The following DIP2C variants were observed in gnomAD, a reference collection of about 807,000 sequenced individuals.
DIP2C encodes disco-interacting protein 2 homolog C.
A neutral mutation model predicts 192.4 loss-of-function variants in DIP2C; 33 were observed. The ratio of observed to expected loss-of-function variants is 0.17; its 90% confidence interval spans 0.13 to 0.23. The LOEUF is 0.23. Ranked by LOEUF, DIP2C falls within the 10% of genes least tolerant of loss-of-function variation. The pLI, the probability that DIP2C is intolerant of heterozygous loss-of-function variation, is 1.00. For missense variants in DIP2C, 1,537 were observed against 2,110.1 expected (o/e 0.73, Z 5.32); for synonymous variants, 979 against 864.1 (o/e 1.13, Z -2.33).
chr10:657,682 A>C (rs1339057182), intron 1 of DIP2C, among the ~76,000 whole-genome samples: 73 of 44,944 alleles, frequency 1.6e-3, no homozygotes, highest in Admixed American at 2.7e-3. Context: ...GCTGGACCTG[A>C]TGCTGGACCT....
intron 1 of DIP2C, among the ~76,000 whole-genome samples, chr10:583,089 CAG>C (rs1850768558): frequency 6.6e-6 from 1 of 152,194 alleles, no homozygotes; most frequent in African/African-American, 2.4e-5. Context: ...TTGCAAGAAT[CAG>C]TGACTACTTT....
chr10:501,099 G>T (rs971971645), intron 1 of DIP2C, among the ~76,000 whole-genome samples: 5 of 152,188 alleles, frequency 3.3e-5, no homozygotes, highest in African/African-American at 1.2e-4. Flanking sequence ...CAACCCTCCA[G>T]GAAACACTGA....
chr10:525,688 C>T (rs923277311), intron 1 of DIP2C, among the ~76,000 whole-genome samples: 3 of 152,132 alleles, frequency 2.0e-5, no homozygotes, highest in African/African-American at 7.2e-5. Flanking sequence ...TTGAATGCTT[C>T]GTAGGTGGAG....
chr10:578,872 C>T (rs996977189), intron 1 of DIP2C, among the ~76,000 whole-genome samples: 2 of 152,016 alleles, frequency 1.3e-5, no homozygotes, highest in East Asian at 3.9e-4. Context: ...CACTAACACA[C>T]ATGTACGTGC....
At chr10:398,526 C>T (rs1964166205) in intron 10 of DIP2C, among the ~76,000 whole-genome samples, 1 of 152,222 alleles carries the variant, frequency 6.6e-6, no homozygotes, top group Admixed American at 6.5e-5. Flanking sequence ...GCAGCCGGAC[C>T]ACCCTGGGCA....
Position 650,738 on chromosome 10 carries a change from T to C in DIP2C, c.85+38756A>G, listed in dbSNP as rs372488998. 744 of 640,250 alleles carry C rather than the reference T, an allele frequency of 1.2e-3. 9 individuals are homozygous for C. Among genetic ancestry groups the C allele is most frequent in the South Asian group, 5.3e-3 (289 of 54,468 alleles). 39.7% of individuals were successfully genotyped at this position (640,250 alleles called of 1,614,324 possible). A position where few individuals can be genotyped will look rare whatever the true frequency, so the allele number is the denominator to read the frequency against. On this transcript the variant is annotated intron_variant, in intron 1 of 36. Transcript: ENST00000280886. ...AGTGCTCTGGGCCGACCCCCCCTCATGCTCACTTCCCTGCATAAGTTTAAG... is the reference window on the plus strand; with the variant it reads ...AGTGCTCTGGGCCGACCCCCCCTCACGCTCACTTCCCTGCATAAGTTTAAG...
rs771403845 is a variant in DIP2C at position 413,944 on chromosome 10, G to A, written c.1026C>T (p.Thr342=). 4 of 1,614,068 alleles carry A rather than the reference G, an allele frequency of 2.5e-6. No individual in the cohort carries two copies. The highest frequency in any genetic ancestry group is 3.4e-6 in the Non-Finnish European group (4 of 1,180,030). Reference sequence around the variant, plus strand: ...TGAGGATGTAGAGGGGCTTCCCGTTGGTGTCCATGGTGGTCAGGCAGGGCG... The same window carrying A: ...TGAGGATGTAGAGGGGCTTCCCGTTAGTGTCCATGGTGGTCAGGCAGGGCG... ...PKAPCLTTMD[T]NGKPLYILTY... The change falls in exon 8 of 37, where the codon ACC becomes ACT. Residue 342 remains threonine, a synonymous_variant. Transcript: ENST00000280886.
intron 10 of DIP2C, among the ~76,000 whole-genome samples, chr10:395,145 GA>G (rs760867141): frequency 7.1e-5 from 7 of 98,958 alleles, no homozygotes; most frequent in East Asian, 3.4e-4. Context: ...GGAGGGAGGA[GA>G]TGGGGGGGAG....
At chr10:518,984 T>C (rs1158368714) in intron 1 of DIP2C, among the ~76,000 whole-genome samples, 1 of 152,232 alleles carries the variant, frequency 6.6e-6, no homozygotes, top group Non-Finnish European at 1.5e-5. Flanking sequence ...GCATCTGCAC[T>C]GGGTCCCAGG....
At chr10:565,670 T>TA (rs1849426849) in intron 1 of DIP2C, among the ~76,000 whole-genome samples, 1 of 152,214 alleles carries the variant, frequency 6.6e-6, no homozygotes, top group Non-Finnish European at 1.5e-5. Flanking sequence ...GCTTCATTTT[T>TA]AAAGGTATAT....
intron 8 of DIP2C, among the ~76,000 whole-genome samples, chr10:411,056 C>T (rs1439169802): frequency 6.6e-6 from 1 of 152,082 alleles, no homozygotes; most frequent in Non-Finnish European, 1.5e-5. Flanking sequence ...GGAGCAAGCC[C>T]GGGAAGGAGG....
chr10:437,091 T>C (rs1967311017), intron 4 of DIP2C, among the ~76,000 whole-genome samples: 2 of 122,542 alleles, frequency 1.6e-5, no homozygotes, highest in Admixed American at 8.7e-5. Context: ...CTCTCTGAGC[T>C]CCACCTCCTG....
intron 9 of DIP2C, among the ~76,000 whole-genome samples, chr10:399,877 G>A (rs1564662821): frequency 6.6e-6 from 1 of 152,176 alleles, no homozygotes. Context: ...TGTGTTGTGG[G>A]CCCTGGCCCT....
intron 9 of DIP2C, 86 bp from the exon 10 acceptor site, chr10:399,305 G>A: frequency 9.9e-7 from 1 of 1,012,704 alleles, no homozygotes. Flanking sequence ...CTAGGTGAGA[G>A]GGCACGCTTC....
chr10:568,867 GC>G (rs1452426382), intron 1 of DIP2C, among the ~76,000 whole-genome samples: 2 of 145,502 alleles, frequency 1.4e-5, no homozygotes, highest in Non-Finnish European at 3.0e-5. Context: ...CCTGCAATGA[GC>G]CATCTCAGAG....
intron 1 of DIP2C, among the ~76,000 whole-genome samples, chr10:551,301 G>A (rs1285608910): frequency 6.6e-6 from 1 of 152,160 alleles, no homozygotes; most frequent in East Asian, 1.9e-4. Flanking sequence ...CATGGAGCCT[G>A]GCATACAGCA....
chr10:492,900 C>T (rs550386822), intron 1 of DIP2C, among the ~76,000 whole-genome samples: 4 of 152,228 alleles, frequency 2.6e-5, no homozygotes, highest in Non-Finnish European at 5.9e-5. Flanking sequence ...CACACCACCG[C>T]AGTGGTCTTG....
At chr10:331,431 C>T (rs931277353) in intron 29 of DIP2C, among the ~76,000 whole-genome samples, 2 of 152,142 alleles carry the variant, frequency 1.3e-5, no homozygotes, top group Non-Finnish European at 2.9e-5. Context: ...ACACATAGCC[C>T]TCTGTGTCTG....
At chr10:369,028 A>G (rs941108452) in intron 18 of DIP2C, among the ~76,000 whole-genome samples, 2 of 152,204 alleles carry the variant, frequency 1.3e-5, no homozygotes, top group African/African-American at 4.8e-5. Flanking sequence ...AAGGCTTCTG[A>G]GACTTGGAAA....
Sources: allele counts gnomAD v4.1 joint callset (sites outside exome capture counted in the v4.1 genomes callset), GRCh38; gene constraint gnomAD v4.1.1; transcripts MANE v1.5; gene names NCBI Gene and HGNC (gene_info 2026-07-23, HGNC 2026-07-21).